ALX4: variants seen among roughly 807,000 people sequenced by gnomAD.
ALX4 encodes the protein ALX homeobox 4.
Under a neutral mutation model 40.6 loss-of-function variants are expected in ALX4, and 22 were observed. That is an observed-to-expected ratio of 0.54 (90% CI 0.39 to 0.77). The LOEUF (loss-of-function observed/expected upper bound fraction) is 0.77, where lower values mean the gene tolerates loss of function less well. ALX4 is among the 30% of genes least tolerant of loss of function. The probability of loss-of-function intolerance (pLI) is 0.00; values close to 1 mark genes in which losing one functional copy is unlikely to be tolerated. For synonymous variants in ALX4, 266 were observed against 240.5 expected, an observed-to-expected ratio of 1.11 and a Z score of -0.98; for missense variants, 556 against 564.8, an observed-to-expected ratio of 0.98 and a Z score of 0.16.
At chr11:44,306,499 G>C (rs755513183) in intron 1 of ALX4, among the ~76,000 whole-genome samples, 1 of 152,208 alleles carries the variant, frequency 6.6e-6, no homozygotes, top group Non-Finnish European at 1.5e-5. Flanking sequence ...TCCCCCTTTT[G>C]TTAGGTGTAG....
chr11:44,285,779 G>T (rs1956334948), intron 1 of ALX4, among the ~76,000 whole-genome samples: 1 of 151,850 alleles, frequency 6.6e-6, no homozygotes, highest in Non-Finnish European at 1.5e-5. Flanking sequence ...CTCAGCCAAG[G>T]GCCACCCTTC....
intron 1 of ALX4, among the ~76,000 whole-genome samples, chr11:44,293,767 G>C (rs890921419): frequency 8.5e-5 from 13 of 152,246 alleles, no homozygotes; most frequent in African/African-American, 3.1e-4. Context: ...CACTGGGCTA[G>C]TGAGGAGGCT....
At chr11:44,291,027 A>G (rs1309721673) in intron 1 of ALX4, among the ~76,000 whole-genome samples, 1 of 152,168 alleles carries the variant, frequency 6.6e-6, no homozygotes, top group African/African-American at 2.4e-5. Flanking sequence ...TTCCTTCCCC[A>G]GGTGCATCCT....
chr11:44,271,353 G>C (rs188473075), intron 2 of ALX4, among the ~76,000 whole-genome samples: 2 of 152,348 alleles, frequency 1.3e-5, no homozygotes, highest in East Asian at 3.9e-4. Context: ...TGCTGCTACT[G>C]AGTGGCTGCT....
intron 2 of ALX4, among the ~76,000 whole-genome samples, chr11:44,272,980 T>C (rs1036682344): frequency 2.0e-5 from 3 of 152,178 alleles, no homozygotes; most frequent in African/African-American, 7.2e-5. Flanking sequence ...AAAAAGTTTG[T>C]AGACTCTATT....
intron 2 of ALX4, among the ~76,000 whole-genome samples, chr11:44,267,928 A>T (rs1020905586): frequency 6.6e-6 from 1 of 152,180 alleles, no homozygotes; most frequent in Non-Finnish European, 1.5e-5. Context: ...AAAACAAGTC[A>T]CTGGTCATCT....
In ALX4 at chr11:44,281,681, G is replaced by C. The variant is rs1320348303; in HGVS notation, c.467-6023C>G. 2.0e-5 allele frequency among the ~76,000 whole-genome samples: 3 copies of C among 152,052 alleles called. No individual in the cohort carries two copies. The East Asian group carries it at 5.8e-4, about 29-fold the overall frequency. On this transcript the variant is annotated intron_variant, in intron 1 of 3. Transcript: ENST00000652299. Reference sequence around the variant, plus strand: ...CACTGCTGTCCAAACGGTCCTGTGGGGGTGAGGGCGGAGGTTAAAGTTTAG... The same window carrying C: ...CACTGCTGTCCAAACGGTCCTGTGGCGGTGAGGGCGGAGGTTAAAGTTTAG...
At chr11:44,300,305 C>G (rs952559519) in intron 1 of ALX4, among the ~76,000 whole-genome samples, 1 of 152,172 alleles carries the variant, frequency 6.6e-6, no homozygotes, top group Non-Finnish European at 1.5e-5. Flanking sequence ...GAGGCCACAA[C>G]AGGGGAGCCA....
chr11:44,277,851 G>A (rs1427590367), intron 1 of ALX4, among the ~76,000 whole-genome samples: 23 of 152,212 alleles, frequency 1.5e-4, no homozygotes, highest in Admixed American at 1.4e-3. Context: ...GTGCACGACC[G>A]GCCCAGCGGC....
intron 1 of ALX4, among the ~76,000 whole-genome samples, chr11:44,279,909 G>A (rs1399161668): frequency 6.6e-6 from 1 of 151,966 alleles, no homozygotes; most frequent in Non-Finnish European, 1.5e-5. Flanking sequence ...GATGCAGTAA[G>A]AGGTTGCTGA....
At position 44,299,959 on chromosome 11, in the gene ALX4, G is replaced by A. The variant is rs1445354747; in HGVS notation, c.466+9638C>T. ...AAGCAGCACTGGTGTACTGCCTGGCGCACAGGCAGGGACGCTCAGTTGTTC... is the reference window on the plus strand; with the variant it reads ...AAGCAGCACTGGTGTACTGCCTGGCACACAGGCAGGGACGCTCAGTTGTTC... On this transcript the variant is annotated intron_variant, in intron 1 of 3. Coordinates refer to ENST00000652299, the MANE Select transcript of ALX4 (RefSeq NM_021926.4). Among the ~76,000 whole-genome samples, 5 of 152,190 alleles carry A rather than the reference G, an allele frequency of 3.3e-5. No homozygotes were observed. The South Asian group carries it at 8.3e-4, about 25-fold the overall frequency.
rs1590694264 is a variant in ALX4, at chr11:44,281,017, G to A, written c.467-5359C>T. On this transcript the variant is annotated intron_variant, in intron 1 of 3. Transcript: ENST00000652299. ...CCCTTAACCTCTACCCATCTGTCCT[G>A]GTTCAACCCAATGGCATCACTCTAA... Among the ~76,000 whole-genome samples, 4 of 152,234 alleles carry A rather than the reference G, an allele frequency of 2.6e-5. No individual in the cohort carries two copies. In the South Asian group the frequency reaches 8.3e-4, roughly 32 times the overall value.
chr11:44,278,083 G>A (rs190588512), intron 1 of ALX4, among the ~76,000 whole-genome samples: 3 of 151,302 alleles, frequency 2.0e-5, no homozygotes, highest in Admixed American at 2.0e-4. Context: ...CAACTTCCTG[G>A]AAGCCAGATG....
intron 1 of ALX4, among the ~76,000 whole-genome samples, chr11:44,277,303 T>C (rs1200621249): frequency 6.6e-6 from 1 of 152,232 alleles, no homozygotes; most frequent in African/African-American, 2.4e-5. Context: ...CACAGGAGCA[T>C]GTGCAGGGCG....
chr11:44,267,726 G>A, intron 2 of ALX4, 104 bp from the exon 3 acceptor site: 1 of 1,527,312 alleles, frequency 6.5e-7, no homozygotes, highest in Non-Finnish European at 9.0e-7. Context: ...ATCAGTTGCA[G>A]TGCGTTTGGG....
chr11:44,279,841 T>A (rs776403122), intron 1 of ALX4, among the ~76,000 whole-genome samples: 11 of 152,236 alleles, frequency 7.2e-5, no homozygotes, highest in Non-Finnish European at 1.5e-4. Context: ...GGCTGGGACC[T>A]CATGCCGTTT....
intron 2 of ALX4, 138 bp from the exon 3 acceptor site, chr11:44,267,760 A>G: frequency 4.2e-6 from 5 of 1,195,206 alleles, no homozygotes; most frequent in Non-Finnish European, 6.1e-6. Context: ...ACACATAAAT[A>G]TCAACCTTGG....
chr11:44,292,730 C>T (rs769103838), intron 1 of ALX4, among the ~76,000 whole-genome samples: 40 of 152,040 alleles, frequency 2.6e-4, no homozygotes, highest in Non-Finnish European at 5.1e-4. Flanking sequence ...CAGGATTTTG[C>T]CTATCACATA....
intron 2 of ALX4, among the ~76,000 whole-genome samples, chr11:44,272,221 T>C (rs1170405301): frequency 1.3e-5 from 2 of 152,202 alleles, no homozygotes; most frequent in African/African-American, 4.8e-5. Flanking sequence ...AAAATGGCAG[T>C]CTTGCCAGGT....
Sources: gnomAD v4.1 joint callset for allele counts (sites outside exome capture counted in the v4.1 genomes callset) on GRCh38, gnomAD v4.1.1 for gene constraint, MANE v1.5 for transcripts, NCBI Gene and HGNC (gene_info 2026-07-23, HGNC 2026-07-21) for gene names.